ERICH3: variants seen among roughly 807,000 people sequenced by gnomAD.
ERICH3 encodes glutamate rich 3.
In ERICH3, 126 loss-of-function variants were observed where a neutral mutation model predicts 131.1. That is an observed-to-expected ratio of 0.96 (90% confidence interval 0.83 to 1.11). The LOEUF is 1.11. Ranked by LOEUF, ERICH3 falls within the 50% of genes most tolerant of loss-of-function variation. ERICH3 has a pLI of 0.00. For synonymous variants in ERICH3, 695 were observed against 644.6 expected (o/e 1.08, Z -1.18); for missense variants, 2,050 against 1,810.7 (o/e 1.13, Z -2.40).
chr1:74,569,366 T>C lies in ERICH3; in HGVS notation c.*1092A>G, dbSNP rs554939179. The C allele has an allele frequency of 1.1e-4, 17 of 152,274 alleles. No individual in the cohort carries two copies. Among genetic ancestry groups the C allele is most frequent in the African/African-American group, 3.6e-4 (15 of 41,552 alleles). 9.4% of individuals were successfully genotyped at this position (152,274 alleles called of 1,614,324 possible). A position where few individuals can be genotyped will look rare whatever the true frequency, so the allele number is the denominator to read the frequency against. The stretch of plus-strand genomic sequence containing the variant: ...TTCTCATATAGAGAAATGGTAGACA[T>C]ATACATGCGCTCTGGGGCACTTGTA... On this transcript the variant is annotated 3_prime_UTR_variant, in exon 15 of 15. Coordinates refer to ENST00000326665, the MANE Select transcript of ERICH3 (RefSeq NM_001002912.5).
rs1356637777 is a variant in ERICH3 at position 74,573,157 on chromosome 1, C to T, written c.2553G>A (p.Leu851=). 1.9e-6 allele frequency: 3 copies of T among 1,613,458 alleles called. No individual in the cohort carries two copies. The highest frequency in any genetic ancestry group is 1.3e-5 in the African/African-American group (1 of 74,932). ...CTATGGGGTCTGACCCCCCTTCACCCAGCCTTCTGACCCCTTCTGCTTCTG... is the reference window on the plus strand; with the variant it reads ...CTATGGGGTCTGACCCCCCTTCACCTAGCCTTCTGACCCCTTCTGCTTCTG... ...GAAEAEGVRR[L]GEGGSDPIGQ... is the part of the protein sequence containing the mutation. The change falls in exon 14 of 15, where the codon CTG becomes CTA. Residue 851 remains leucine (L), a synonymous_variant. Coordinates refer to ENST00000326665, the MANE Select transcript of ERICH3 (RefSeq NM_001002912.5).
chr1:74,572,649 C>G lies in ERICH3; in HGVS notation c.3061G>C (p.Glu1021Gln). The G allele has an allele frequency of 2.5e-6, 4 of 1,614,004 alleles. No homozygotes were observed. Among genetic ancestry groups the G allele is most frequent in the Non-Finnish European group, 3.4e-6 (4 of 1,179,970 alleles). The change falls in exon 14 of 15, where the codon GAA becomes CAA. Residue 1021 changes from glutamate to glutamine, a missense_variant. Transcript: ENST00000326665. ...GSPEEGSLAK[E>Q]AFLCKEDVEG... ...ACATCTTCCTTGCAAAGGAAGGCTT[C>G]CTTTGCAAGGCTTCCTTCCTCAGGG...
At chr1:74,633,750 A>G (rs983669410) in intron 6 of ERICH3, among the ~76,000 whole-genome samples, 1 of 152,192 alleles carries the variant, frequency 6.6e-6, no homozygotes, top group African/African-American at 2.4e-5. Context: ...TTCTTTACAC[A>G]TATTGTGTAT....
intron 10 of ERICH3, 126 bp downstream of exon 10, chr1:74,606,475 G>A: frequency 1.0e-6 from 1 of 969,906 alleles, no homozygotes; most frequent in East Asian, 2.5e-5. Context: ...AGGAGGTCAG[G>A]GGCACCCCAC....
chr1:74,630,547 G>T (rs938542280), intron 7 of ERICH3, among the ~76,000 whole-genome samples: 1 of 152,156 alleles, frequency 6.6e-6, no homozygotes, highest in Non-Finnish European at 1.5e-5. Flanking sequence ...AAAATTGTGA[G>T]CAAGAATATT....
chr1:74,643,536 A>T (rs1646454208), intron 3 of ERICH3, among the ~76,000 whole-genome samples: 1 of 152,174 alleles, frequency 6.6e-6, no homozygotes, highest in African/African-American at 2.4e-5. Flanking sequence ...AATAAGGTTC[A>T]TACAGATTTT....
Position 74,572,919 on chromosome 1 carries a change from C to T in ERICH3, c.2791G>A (p.Gly931Arg), listed in dbSNP as rs148998121. ...ACAGCCACCCCACCCTCAGCCTCTC[C>T]CTCCTCCGATGTCGCTGCCTCTCTC... The part of the protein sequence containing the change: ...ALREAATSEE[G>R]EAEGGVAVSD... Residue 931 changes from glycine (G) to arginine (R), a missense_variant, in exon 14 of 15, where the codon GGA becomes AGA. Coordinates refer to ENST00000326665, the MANE Select transcript of ERICH3 (RefSeq NM_001002912.5). 9.1e-3 allele frequency: 14,713 copies of T among 1,613,972 alleles called. 95 individuals are homozygous for T. Among genetic ancestry groups the T allele is most frequent in the Non-Finnish European group, 9.5e-3 (11,226 of 1,179,988 alleles).
intron 12 of ERICH3, among the ~76,000 whole-genome samples, chr1:74,587,772 A>G (rs977854761): frequency 7.9e-5 from 12 of 152,154 alleles, no homozygotes; most frequent in Non-Finnish European, 1.6e-4. Context: ...CATTTTCTAG[A>G]TGATACCTTA....
chr1:74,636,253 A>T (rs776706285), intron 6 of ERICH3, 27 bp downstream of exon 6: 1 of 1,540,610 alleles, frequency 6.5e-7, no homozygotes. Context: ...AAATTAAAAT[A>T]TATTTATTGA....
chr1:74,670,077 A>G (rs1646727279), intron 1 of ERICH3, among the ~76,000 whole-genome samples: 1 of 152,226 alleles, frequency 6.6e-6, no homozygotes, highest in Non-Finnish European at 1.5e-5. Flanking sequence ...AAACTTTAGC[A>G]ATTCAAATAA....
chr1:74,611,548 AAGTT>A (rs1275047075), intron 9 of ERICH3, among the ~76,000 whole-genome samples: 3 of 152,136 alleles, frequency 2.0e-5, no homozygotes, highest in Non-Finnish European at 4.4e-5. Flanking sequence ...TCTCAGATAA[AAGTT>A]AAAGTCCTTG....
intron 9 of ERICH3, among the ~76,000 whole-genome samples, chr1:74,607,594 C>G (rs1051027190): frequency 5.9e-5 from 9 of 151,906 alleles, no homozygotes. Flanking sequence ...GAAGTCTGCA[C>G]TACAGTCTTC....
Position 74,572,790 on chromosome 1 carries a change from T to C in ERICH3, c.2920A>G (p.Ile974Val), listed in dbSNP as rs201633942. 8.7e-6 allele frequency: 14 copies of C among 1,613,986 alleles called. No homozygotes were observed. The East Asian group carries it at 3.1e-4, about 36-fold the overall frequency. ...TTGGCTGGTTCCTCTCCCCCAAGAA[T>C]TGCCTCTTCAGAACCGTCCTCTCTC... ...SKREDGSEEAILGGEEPAKER... is the reference protein window; with the variant it reads ...SKREDGSEEAVLGGEEPAKER... The change falls in exon 14 of 15, where the codon ATT (isoleucine) becomes GTT (valine). Residue 974 changes from isoleucine (I) to valine (V), a missense_variant. By Grantham distance (29) the Ile-to-Val change is conservative (BLOSUM62 3). Coordinates refer to ENST00000326665, the MANE Select transcript of ERICH3 (RefSeq NM_001002912.5).
chr1:74,630,174 G>A (rs545244354), intron 7 of ERICH3, among the ~76,000 whole-genome samples: 2 of 152,284 alleles, frequency 1.3e-5, no homozygotes, highest in South Asian at 4.1e-4. Flanking sequence ...TCAGAATGAT[G>A]AGTAAGTCAT....
intron 5 of ERICH3, 23 bp from the exon 6 acceptor site, chr1:74,636,461 TC>T: frequency 6.3e-7 from 1 of 1,586,966 alleles, no homozygotes; most frequent in Non-Finnish European, 8.6e-7. Context: ...GGGAAAAAAT[TC>T]CATTTAAATT....
chr1:74,642,968 T>C, intron 4 of ERICH3, 59 bp downstream of exon 4: 1 of 1,302,844 alleles, frequency 7.7e-7, no homozygotes. Context: ...AGTTTCACTG[T>C]TTTTTTTAAA....
At chr1:74,600,537 G>A (rs1648079799) in intron 10 of ERICH3, among the ~76,000 whole-genome samples, 1 of 151,808 alleles carries the variant, frequency 6.6e-6, no homozygotes, top group African/African-American at 2.4e-5. Flanking sequence ...TACAATAAAT[G>A]AAATAATTAC....
intron 11 of ERICH3, among the ~76,000 whole-genome samples, chr1:74,595,727 GA>G (rs761623402): frequency 1.3e-5 from 2 of 152,144 alleles, no homozygotes; most frequent in Admixed American, 1.3e-4. Flanking sequence ...ACACTTCATA[GA>G]AAAGTATTTT....
At chr1:74,669,542 G>C (rs1646722685) in intron 1 of ERICH3, among the ~76,000 whole-genome samples, 1 of 152,104 alleles carries the variant, frequency 6.6e-6, no homozygotes, top group African/African-American at 2.4e-5. Flanking sequence ...ATAGCAACAT[G>C]AGTGAGATTT....
Sources: gnomAD v4.1 joint callset for allele counts (sites outside exome capture counted in the v4.1 genomes callset) on GRCh38, gnomAD v4.1.1 for gene constraint, MANE v1.5 for transcripts, NCBI Gene and HGNC (gene_info 2026-07-23, HGNC 2026-07-21) for gene names.